Variants in GNAO1 observed in about 807,000 individuals in gnomAD.
The protein encoded by GNAO1 is G protein subunit alpha o1, also known as guanine nucleotide-binding protein G(o) subunit alpha.
For missense variants in GNAO1, 166 were observed against 478.7 expected (o/e 0.35, Z 6.10); for synonymous variants, 164 against 180.7 (o/e 0.91, Z 0.74).
chr16:56,279,961 G>A (rs542244509), intron 3 of GNAO1, among the ~76,000 whole-genome samples: 20 of 152,196 alleles, frequency 1.3e-4, no homozygotes, highest in Non-Finnish European at 2.6e-4. Flanking sequence ...GCACTTAGTA[G>A]GACTTCAAGA....
Position 56,311,136 on chromosome 16 carries a change from G to A in GNAO1, c.304-17495G>A, listed in dbSNP as rs2037454003. Among the ~76,000 whole-genome samples the A allele has an allele frequency of 1.3e-5, 2 of 150,992 alleles. No individual in the cohort carries two copies. Among genetic ancestry groups the A allele is most frequent in the South Asian group, 2.1e-4 (1 of 4,734 alleles). On this transcript the variant is annotated intron_variant, in intron 3 of 8. Coordinates refer to ENST00000262493, the MANE Select transcript of GNAO1 (RefSeq NM_020988.3). The surrounding 1 kb of genome is among the most constrained non-coding windows in gnomAD (Gnocchi z 5.2). ...GAACTCCTTTTTTCTAATTGTACCG[G>A]CTGGCTTCTATCTACCCTGGCCAGG... is the stretch of plus-strand genomic sequence containing the variant.
intron 2 of GNAO1, among the ~76,000 whole-genome samples, chr16:56,249,794 CA>C (rs542204413): frequency 1.2e-3 from 176 of 152,296 alleles, no homozygotes; most frequent in Non-Finnish European, 2.0e-3. Context: ...CCACCTAAAT[CA>C]AGGGAAATGA....
chr16:56,347,625 G>A, intron 6 of GNAO1: 1 of 962,144 alleles, frequency 1.0e-6, no homozygotes, highest in Non-Finnish European at 1.2e-6. Context: ...TGAGAGAGGG[G>A]CTCCCCCTGG....
At chr16:56,313,902 A>AT (rs1245207136) in intron 3 of GNAO1, among the ~76,000 whole-genome samples, 2 of 151,830 alleles carry the variant, frequency 1.3e-5, no homozygotes, top group Non-Finnish European at 2.9e-5. Context: ...TGCCTGGCTA[A>AT]TTTTTTTTAA....
At chr16:56,352,408 G>T (rs9935936) in intron 7 of GNAO1, 30,214 of 152,456 alleles carry the variant, frequency 0.2, 3,181 homozygotes, top group African/African-American at 0.25. Flanking sequence ...CCCTCTAGGG[G>T]CTGGGAAGCT....
At chr16:56,353,597 C>T (rs1440704213) in intron 7 of GNAO1, 1 of 152,278 alleles carries the variant, frequency 6.6e-6, no homozygotes, top group Non-Finnish European at 1.5e-5. Flanking sequence ...ACGCTGGGCT[C>T]GGCAGACACA....
At chr16:56,227,908 G>A (rs1202756407) in intron 2 of GNAO1, among the ~76,000 whole-genome samples, 15 of 152,148 alleles carry the variant, frequency 9.9e-5, no homozygotes, top group Non-Finnish European at 1.5e-4. Context: ...GTCACTAGGC[G>A]TGGCTGGAGC....
At chr16:56,207,392 C>G (rs1359895893) in intron 2 of GNAO1, among the ~76,000 whole-genome samples, 1 of 152,226 alleles carries the variant, frequency 6.6e-6, no homozygotes, top group Non-Finnish European at 1.5e-5. Flanking sequence ...TTGAAATTCC[C>G]TAAATGGTAG....
intron 3 of GNAO1, among the ~76,000 whole-genome samples, chr16:56,313,865 G>A (rs2037482933): frequency 6.6e-6 from 1 of 152,086 alleles, no homozygotes; most frequent in Non-Finnish European, 1.5e-5. Context: ...GGGACTACAA[G>A]TACACACCAC....
At chr16:56,269,982 C>T (rs1040699577) in intron 2 of GNAO1, among the ~76,000 whole-genome samples, 1 of 152,186 alleles carries the variant, frequency 6.6e-6, no homozygotes, top group Non-Finnish European at 1.5e-5. Flanking sequence ...TGCAGTCCTA[C>T]ACTGCAAGGG....
chr16:56,216,941 G>A (rs2036441713), intron 2 of GNAO1, among the ~76,000 whole-genome samples: 1 of 152,230 alleles, frequency 6.6e-6, no homozygotes, highest in Non-Finnish European at 1.5e-5. Flanking sequence ...ATTGTAGTAA[G>A]GATTAGATGA....
intron 2 of GNAO1, chr16:56,255,421 A>G (rs2036837583): frequency 6.6e-6 from 1 of 152,204 alleles, no homozygotes; most frequent in South Asian, 2.1e-4. Flanking sequence ...GTCTTTGGTT[A>G]TCTTTTCTGA....
intron 6 of GNAO1, chr16:56,345,150 C>CCGGTGA (rs1297135772): frequency 6.1e-5 from 60 of 985,892 alleles, no homozygotes; most frequent in South Asian, 1.4e-4. Context: ...GTAGCTTCTC[C>CCGGTGA]CGGTGACGGT....
At chr16:56,296,157 A>G (rs1364858829) in intron 3 of GNAO1, among the ~76,000 whole-genome samples, 4 of 152,348 alleles carry the variant, frequency 2.6e-5, no homozygotes, top group South Asian at 2.1e-4. Flanking sequence ...GCTGATTGCC[A>G]GCCAAAACCG....
intron 2 of GNAO1, among the ~76,000 whole-genome samples, chr16:56,269,925 G>T (rs2036999363): frequency 6.6e-6 from 1 of 152,160 alleles, no homozygotes; most frequent in Admixed American, 6.5e-5. Context: ...CTGTGGTTCT[G>T]TGACCATATA....
intron 3 of GNAO1, among the ~76,000 whole-genome samples, chr16:56,317,988 G>A (rs536878615): frequency 8.3e-4 from 127 of 152,280 alleles, no homozygotes; most frequent in Admixed American, 4.6e-3. Flanking sequence ...AGCCCCAGCC[G>A]CCAAATGCCT....
chr16:56,285,602 A>G (rs922789750), intron 3 of GNAO1, among the ~76,000 whole-genome samples: 1 of 152,154 alleles, frequency 6.6e-6, no homozygotes, highest in South Asian at 2.1e-4. Flanking sequence ...GTATTTTGGG[A>G]CTCCTGGAAT....
chr16:56,349,093 C>T (rs1255080656), intron 6 of GNAO1, among the ~76,000 whole-genome samples: 1 of 152,146 alleles, frequency 6.6e-6, no homozygotes, highest in Non-Finnish European at 1.5e-5. Flanking sequence ...GCTCTGTGGC[C>T]CTGAGATGTA....
chr16:56,192,647 TTTA>T (rs1289011652), intron 2 of GNAO1, 31 bp downstream of exon 2: 1 of 1,386,620 alleles, frequency 7.2e-7, no homozygotes, highest in Non-Finnish European at 1.0e-6. Flanking sequence ...GATTCGTACT[TTTA>T]TTAAGAATAA....
Sources: gnomAD v4.1 joint callset for allele counts (sites outside exome capture counted in the v4.1 genomes callset) on GRCh38, gnomAD v4.1.1 for gene constraint, Gnocchi (gnomAD v3.1) non-coding constraint, MANE v1.5 for transcripts, NCBI Gene and HGNC (gene_info 2026-07-23, HGNC 2026-07-21) for gene names.